PRKCB: variants seen among roughly 807,000 people sequenced by gnomAD.
PRKCB encodes the protein protein kinase C beta, also known as protein kinase C beta type.
A neutral mutation model predicts 81.5 loss-of-function variants in PRKCB; 13 were observed. That is an observed-to-expected ratio of 0.16 (90% CI 0.10 to 0.25). PRKCB has a LOEUF of 0.25. Among genes scored for constraint, PRKCB ranks in the 10% least tolerant of loss-of-function variants. The pLI, the probability that PRKCB is intolerant of heterozygous loss-of-function variation, is 1.00. For synonymous variants in PRKCB, 335 were observed against 321.4 expected (o/e 1.04, Z -0.45); for missense variants, 509 against 875.7 (o/e 0.58, Z 5.29).
At chr16:23,980,573 A>T (rs1964683834) in intron 2 of PRKCB, among the ~76,000 whole-genome samples, 1 of 152,200 alleles carries the variant, frequency 6.6e-6, no homozygotes, top group East Asian at 1.9e-4. Flanking sequence ...TAGTAAAATG[A>T]GTGTTCAAAC....
At chr16:23,861,966 T>G (rs1425726066) in intron 2 of PRKCB, among the ~76,000 whole-genome samples, 1 of 152,346 alleles carries the variant, frequency 6.6e-6, no homozygotes, top group Admixed American at 6.5e-5. Flanking sequence ...TAGAATGCAT[T>G]GTATCTCACA....
At chr16:23,919,755 C>T (rs1963797195) in intron 2 of PRKCB, among the ~76,000 whole-genome samples, 1 of 152,172 alleles carries the variant, frequency 6.6e-6, no homozygotes, top group Non-Finnish European at 1.5e-5. Flanking sequence ...GTGGAATCAT[C>T]CAGTATTTGT....
chr16:24,210,415 C>A (rs28393307), intron 16 of PRKCB, among the ~76,000 whole-genome samples: 3 of 152,074 alleles, frequency 2.0e-5, no homozygotes, highest in Non-Finnish European at 4.4e-5. Context: ...GGCACCCTCT[C>A]TCACTTCACT....
intron 16 of PRKCB, among the ~76,000 whole-genome samples, chr16:24,196,880 A>G (rs1967887783): frequency 6.6e-6 from 1 of 152,194 alleles, no homozygotes; most frequent in South Asian, 2.1e-4. Context: ...TAAGTATAGA[A>G]TGTTCTGGTG....
intron 2 of PRKCB, among the ~76,000 whole-genome samples, chr16:23,913,962 G>A (rs1597242982): frequency 6.6e-6 from 1 of 152,150 alleles, no homozygotes; most frequent in South Asian, 2.1e-4. Context: ...TGTTGTAGGG[G>A]TGGGAATGCT....
chr16:23,836,068 C>T lies in PRKCB; in HGVS notation c.-108C>T, dbSNP rs1428268319. 2.4e-6 allele frequency: 2 copies of T among 821,440 alleles called. No individual in the cohort carries two copies. The highest frequency in any genetic ancestry group is 1.2e-4 in the East Asian group (1 of 8,038). 50.9% of individuals were successfully genotyped at this position (821,440 alleles called of 1,614,324 possible). On this transcript the variant is annotated 5_prime_UTR_variant, in exon 1 of 17. Transcript: ENST00000643927. Reference sequence around the variant, plus strand: ...GCCGGCGCAGGGGAAGCGCCCGCGGCCCCGGGTGCAGCAGCGGCCGCCGCC... The same window carrying T: ...GCCGGCGCAGGGGAAGCGCCCGCGGTCCCGGGTGCAGCAGCGGCCGCCGCC...
At chr16:23,846,985 G>C (rs756090922) in intron 2 of PRKCB, among the ~76,000 whole-genome samples, 6 of 152,032 alleles carry the variant, frequency 3.9e-5, no homozygotes, top group Non-Finnish European at 8.8e-5. Context: ...CCCACAAGCA[G>C]AAAGTTGCCC....
At chr16:23,851,432 A>T (rs1192902866) in intron 2 of PRKCB, among the ~76,000 whole-genome samples, 1 of 152,074 alleles carries the variant, frequency 6.6e-6, no homozygotes, top group African/African-American at 2.4e-5. Flanking sequence ...ATCCTGTTCC[A>T]TTGGTTGATG....
chr16:23,979,285 T>A (rs1964664329), intron 2 of PRKCB, among the ~76,000 whole-genome samples: 1 of 152,074 alleles, frequency 6.6e-6, no homozygotes, highest in Non-Finnish European at 1.5e-5. Flanking sequence ...CTGTAGAGCT[T>A]GTACCATGAA....
intron 2 of PRKCB, among the ~76,000 whole-genome samples, chr16:23,847,390 A>G (rs1031830941): frequency 6.6e-6 from 1 of 151,050 alleles, no homozygotes; most frequent in Non-Finnish European, 1.5e-5. Flanking sequence ...CCATCTATCT[A>G]TCTATCCATC....
chr16:23,997,916 A>ATGT (rs1964981198), intron 3 of PRKCB, among the ~76,000 whole-genome samples: 1 of 152,184 alleles, frequency 6.6e-6, no homozygotes, highest in Non-Finnish European at 1.5e-5. Context: ...TTAATTTTGC[A>ATGT]CATGCAGTTA....
At chr16:24,198,396 A>C (rs1967909335) in intron 16 of PRKCB, among the ~76,000 whole-genome samples, 1 of 152,254 alleles carries the variant, frequency 6.6e-6, no homozygotes, top group African/African-American at 2.4e-5. Context: ...CCAGGGTACA[A>C]GGATTCAGCC....
At chr16:24,048,693 T>G (rs1305002856) in intron 5 of PRKCB, among the ~76,000 whole-genome samples, 1 of 152,090 alleles carries the variant, frequency 6.6e-6, no homozygotes, top group Non-Finnish European at 1.5e-5. Context: ...GGTTTCACCA[T>G]GTTGGTCAGG....
intron 2 of PRKCB, among the ~76,000 whole-genome samples, chr16:23,924,881 A>G (rs184913612): frequency 6.6e-6 from 1 of 152,260 alleles, no homozygotes; most frequent in East Asian, 1.9e-4. Flanking sequence ...AACAACAACA[A>G]CAAAACTGCA....
intron 16 of PRKCB, among the ~76,000 whole-genome samples, chr16:24,197,161 T>G (rs1251316838): frequency 6.6e-6 from 1 of 152,216 alleles, no homozygotes; most frequent in Non-Finnish European, 1.5e-5. Context: ...GGAGCTTATA[T>G]TCTAGGGAGA....
rs377417106 is a variant in PRKCB at position 24,185,096 on chromosome 16, C to T, written c.1534-15C>T. 6.2e-7 allele frequency: 1 copy of T among 1,610,952 alleles called. No individual in the cohort carries two copies. Among genetic ancestry groups the T allele is most frequent in the Non-Finnish European group, 8.5e-7 (1 of 1,177,240 alleles). On this transcript the variant is annotated splice_polypyrimidine_tract_variant and intron_variant, in intron 13 of 16. Transcript: ENST00000643927. ...AACTGCAAACCTCCCTGATAGGGTGCCTTCTCTTTTCTAGATAATTGCTTA... is the reference window on the plus strand; with the variant it reads ...AACTGCAAACCTCCCTGATAGGGTGTCTTCTCTTTTCTAGATAATTGCTTA...
intron 2 of PRKCB, among the ~76,000 whole-genome samples, chr16:23,921,792 G>T (rs973053949): frequency 6.6e-6 from 1 of 151,934 alleles, no homozygotes; most frequent in African/African-American, 2.4e-5. Flanking sequence ...GTCAAAAAAA[G>T]AAAAAATAAA....
intron 2 of PRKCB, among the ~76,000 whole-genome samples, chr16:23,980,434 C>T (rs190245610): frequency 2.6e-5 from 4 of 152,332 alleles, no homozygotes; most frequent in South Asian, 2.1e-4. Context: ...CTTAAATGCC[C>T]TTTTCCACCA....
chr16:23,866,021 C>A (rs9806904), intron 2 of PRKCB, among the ~76,000 whole-genome samples: 70,461 of 138,532 alleles, frequency 0.51, 17,439 homozygotes, highest in East Asian at 0.65. Flanking sequence ...CCTTCAAGTA[C>A]TTCCTGTCTT....
Sources: gnomAD v4.1 joint callset for allele counts (sites outside exome capture counted in the v4.1 genomes callset) on GRCh38, gnomAD v4.1.1 for gene constraint, MANE v1.5 for transcripts, NCBI Gene and HGNC (gene_info 2026-07-23, HGNC 2026-07-21) for gene names.